The following SH3RF3 variants were observed in gnomAD, a reference collection of about 807,000 sequenced individuals.
The protein encoded by SH3RF3 is SH3 domain containing ring finger 3, also known as E3 ubiquitin-protein ligase SH3RF3.
In SH3RF3, 29 loss-of-function variants were observed where a neutral mutation model predicts 66.3. The ratio of observed to expected loss-of-function variants is 0.44; its 90% CI spans 0.33 to 0.60. SH3RF3 has a LOEUF of 0.60. Among genes scored for constraint, SH3RF3 ranks in the 20% least tolerant of loss-of-function variants. SH3RF3 has a pLI of 0.04. For missense variants in SH3RF3, 1,194 were observed against 1,190.9 expected, an observed-to-expected ratio of 1.00 and a Z score of -0.04; for synonymous variants, 583 against 532.0, an observed-to-expected ratio of 1.10 and a Z score of -1.32.
chr2:109,326,696 T>C (rs866886658), intron 1 of SH3RF3, among the ~76,000 whole-genome samples: 9 of 152,256 alleles, frequency 5.9e-5, no homozygotes, highest in African/African-American at 2.2e-4. Context: ...GAAAGATCTA[T>C]CTGTTCTTGA....
At position 109,268,246 on chromosome 2, in the gene SH3RF3, A is replaced by C. The variant is rs1574540500; in HGVS notation, c.574-79428A>C. ...TTTCTGTGTGGAATGGAAAACCCTG[A>C]GCCCTGCCTGCTGAAGTGAGGTGCG... is the stretch of plus-strand genomic sequence containing the variant. On this transcript the variant is annotated intron_variant, in intron 1 of 9. Coordinates refer to ENST00000309415, the MANE Select transcript of SH3RF3 (RefSeq NM_001099289.3). Among the ~76,000 whole-genome samples the C allele has an allele frequency of 2.0e-5, 3 of 151,744 alleles. No homozygotes were observed. In the South Asian group the frequency reaches 6.3e-4, roughly 32 times the overall value.
chr2:109,330,102 A>G (rs1682250046), intron 1 of SH3RF3, among the ~76,000 whole-genome samples: 2 of 152,250 alleles, frequency 1.3e-5, no homozygotes, highest in African/African-American at 4.8e-5. Flanking sequence ...AAATATATGT[A>G]GCACGGGCAT....
At chr2:109,398,988 G>A (rs1348797174) in intron 4 of SH3RF3, 45 bp downstream of exon 4, 12 of 1,543,814 alleles carry the variant, frequency 7.8e-6, no homozygotes, top group Non-Finnish European at 1.0e-5. Flanking sequence ...GTTCTCTGGG[G>A]TTCTATCCTC....
At chr2:109,461,235 T>C (rs773236413) in intron 8 of SH3RF3, among the ~76,000 whole-genome samples, 6 of 152,354 alleles carry the variant, frequency 3.9e-5, no homozygotes, top group African/African-American at 1.4e-4. Flanking sequence ...CAGTTCACAG[T>C]GGGCAGCTCT....
chr2:109,303,122 C>T lies in SH3RF3; in HGVS notation c.574-44552C>T, dbSNP rs368540961. On this transcript the variant is annotated intron_variant, in intron 1 of 9. Coordinates refer to ENST00000309415, the MANE Select transcript of SH3RF3 (RefSeq NM_001099289.3). ...AACTCCTGACCTCAGGTGATCCGTCCGCCTCAGCCTCACAAGGTGCTAGGA... is the reference window on the plus strand; with the variant it reads ...AACTCCTGACCTCAGGTGATCCGTCTGCCTCAGCCTCACAAGGTGCTAGGA... Among the ~76,000 whole-genome samples, 189 of 152,306 alleles carry T rather than the reference C, an allele frequency of 1.2e-3. 1 individual carries two copies. The highest frequency in any genetic ancestry group is 4.2e-3 in the African/African-American group (173 of 41,566).
At chr2:109,456,559 G>C (rs1004613698) in intron 8 of SH3RF3, among the ~76,000 whole-genome samples, 1 of 152,230 alleles carries the variant, frequency 6.6e-6, no homozygotes, top group African/African-American at 2.4e-5. Flanking sequence ...CTGAGCAGAG[G>C]TCAGTGGTGG....
Position 109,347,708 on chromosome 2 carries a change from A to G in SH3RF3, c.608A>G (p.Tyr203Cys), listed in dbSNP as rs753449761. ...CTGCTTCCCTATGGCAAGGCCCTCT[A>G]CAGCTACGAGGGGAAGGAACCTGGT... ...PCLLPYGKAL[Y>C]SYEGKEPGDL... The change falls in exon 2 of 10, where the codon TAC becomes TGC. Residue 203 changes from tyrosine to cysteine, a missense_variant. Coordinates refer to ENST00000309415, the MANE Select transcript of SH3RF3 (RefSeq NM_001099289.3). The G allele has an allele frequency of 8.1e-6, 13 of 1,613,654 alleles. No individual in the cohort carries two copies. Among genetic ancestry groups the G allele is most frequent in the South Asian group, 1.1e-5 (1 of 91,072 alleles).
At chr2:109,361,456 G>A (rs1411055579) in intron 2 of SH3RF3, among the ~76,000 whole-genome samples, 1 of 152,084 alleles carries the variant, frequency 6.6e-6, no homozygotes, top group Admixed American at 6.5e-5. Context: ...TTTCTGTTTT[G>A]AAAGTTTATT....
At chr2:109,216,268 C>G (rs189155665) in intron 1 of SH3RF3, among the ~76,000 whole-genome samples, 1 of 152,348 alleles carries the variant, frequency 6.6e-6, no homozygotes, top group Admixed American at 6.5e-5. Context: ...CTGGCCAGCT[C>G]TAGCCCTGAC....
At chr2:109,344,708 G>A (rs71425244) in intron 1 of SH3RF3, among the ~76,000 whole-genome samples, 1 of 152,278 alleles carries the variant, frequency 6.6e-6, no homozygotes, top group East Asian at 1.9e-4. Context: ...TGAAAGCTCA[G>A]AAGTGGAGTT....
intron 8 of SH3RF3, among the ~76,000 whole-genome samples, chr2:109,463,674 G>A (rs1573272929): frequency 6.6e-6 from 1 of 152,200 alleles, no homozygotes; most frequent in Admixed American, 6.5e-5. Flanking sequence ...AAGAGGAGAT[G>A]TTCATGTTTG....
At chr2:109,195,886 C>G (rs753061942) in intron 1 of SH3RF3, among the ~76,000 whole-genome samples, 4 of 152,178 alleles carry the variant, frequency 2.6e-5, no homozygotes, top group African/African-American at 9.7e-5. Flanking sequence ...CTCGAATTTC[C>G]CTTCCACCTC....
intron 8 of SH3RF3, among the ~76,000 whole-genome samples, chr2:109,451,214 C>G (rs574199392): frequency 6.6e-6 from 1 of 152,356 alleles, no homozygotes; most frequent in Admixed American, 6.5e-5. Flanking sequence ...TGAAGGGCAA[C>G]AGCTGCTCTG....
At chr2:109,250,161 G>A (rs1196929099) in intron 1 of SH3RF3, among the ~76,000 whole-genome samples, 5 of 150,120 alleles carry the variant, frequency 3.3e-5, no homozygotes, top group African/African-American at 1.2e-4. Flanking sequence ...TGTCTTTAAG[G>A]TTTTTCTCCA....
At chr2:109,379,547 G>A (rs990785053) in intron 3 of SH3RF3, among the ~76,000 whole-genome samples, 4 of 152,214 alleles carry the variant, frequency 2.6e-5, no homozygotes, top group Admixed American at 2.6e-4. Context: ...AAAGTATGAA[G>A]GAAAAATACT....
At chr2:109,223,249 T>C (rs772297628) in intron 1 of SH3RF3, among the ~76,000 whole-genome samples, 1 of 151,882 alleles carries the variant, frequency 6.6e-6, no homozygotes, top group Non-Finnish European at 1.5e-5. Flanking sequence ...TAACCAGGAG[T>C]TGGCTGTTAC....
intron 1 of SH3RF3, among the ~76,000 whole-genome samples, chr2:109,284,099 G>A (rs894472322): frequency 2.0e-5 from 3 of 152,118 alleles, no homozygotes; most frequent in Non-Finnish European, 4.4e-5. Context: ...CAGATCCACC[G>A]TAATGAAAGA....
chr2:109,301,316 G>C (rs527397422), intron 1 of SH3RF3, among the ~76,000 whole-genome samples: 1 of 145,860 alleles, frequency 6.9e-6, no homozygotes, highest in Non-Finnish European at 1.5e-5. Context: ...GGTGGGGGGC[G>C]GGCTGTGTAT....
intron 8 of SH3RF3, among the ~76,000 whole-genome samples, chr2:109,469,241 G>A (rs1678440195): frequency 6.6e-6 from 1 of 152,222 alleles, no homozygotes; most frequent in Non-Finnish European, 1.5e-5. Flanking sequence ...GGATGAGTGA[G>A]AATTTATCAG....
Sources: gnomAD v4.1 joint callset for allele counts (sites outside exome capture counted in the v4.1 genomes callset) on GRCh38, gnomAD v4.1.1 for gene constraint, MANE v1.5 for transcripts, NCBI Gene and HGNC (gene_info 2026-07-23, HGNC 2026-07-21) for gene names.